TNR: variants seen among roughly 807,000 people sequenced by gnomAD.
The protein encoded by TNR is tenascin R, also known as tenascin-R.
In TNR, 45 loss-of-function variants were observed where a neutral mutation model predicts 150.4. The observed-to-expected ratio is 0.30, with a 90% CI of 0.24 to 0.38. TNR has a LOEUF of 0.38. Among genes scored for constraint, TNR ranks in the 10% least tolerant of loss-of-function variants. The probability of loss-of-function intolerance (pLI) is 1.00; values close to 1 mark genes in which losing one functional copy is unlikely to be tolerated. For synonymous variants in TNR, 687 were observed against 678.4 expected (o/e 1.01, Z -0.20); for missense variants, 1,544 against 1,759.1 (o/e 0.88, Z 2.19).
chr1:175,702,707 C>G (rs527793016), intron 1 of TNR, among the ~76,000 whole-genome samples: 11 of 152,264 alleles, frequency 7.2e-5, no homozygotes, highest in African/African-American at 2.4e-4. Flanking sequence ...TACAGTGACA[C>G]GAGATTTGGG....
chr1:175,704,991 C>T (rs1310826398), intron 1 of TNR, among the ~76,000 whole-genome samples: 2 of 152,078 alleles, frequency 1.3e-5, no homozygotes, highest in Non-Finnish European at 1.5e-5. Flanking sequence ...AACAGAGATG[C>T]AAAGAAGATA....
intron 1 of TNR, among the ~76,000 whole-genome samples, chr1:175,735,095 C>T (rs1206387007): frequency 1.3e-5 from 2 of 152,238 alleles, no homozygotes; most frequent in Non-Finnish European, 2.9e-5. Context: ...CGTGAGGAGA[C>T]AGTCCCTTTA....
intron 1 of TNR, among the ~76,000 whole-genome samples, chr1:175,616,924 A>G (rs916100313): frequency 6.6e-6 from 1 of 152,162 alleles, no homozygotes; most frequent in African/African-American, 2.4e-5. Context: ...GATAATTTCG[A>G]AGATGCCTTC....
chr1:175,459,466 G>A (rs1444133738), intron 2 of TNR, among the ~76,000 whole-genome samples: 1 of 152,220 alleles, frequency 6.6e-6, no homozygotes, highest in Non-Finnish European at 1.5e-5. Flanking sequence ...GCTCTCTAAT[G>A]TGAGGCCAAG....
intron 1 of TNR, among the ~76,000 whole-genome samples, chr1:175,663,545 T>C (rs896114312): frequency 2.6e-5 from 4 of 152,098 alleles, no homozygotes; most frequent in African/African-American, 9.7e-5. Flanking sequence ...AAGTTCACCA[T>C]GAACCAAGGA....
chr1:175,630,820 A>T (rs1331525343), intron 1 of TNR, among the ~76,000 whole-genome samples: 1 of 151,960 alleles, frequency 6.6e-6, no homozygotes, highest in Non-Finnish European at 1.5e-5. Flanking sequence ...GCTTGCAAAA[A>T]AAAAGGAAGC....
chr1:175,488,543 A>C (rs1658109233), intron 2 of TNR, among the ~76,000 whole-genome samples: 1 of 152,122 alleles, frequency 6.6e-6, no homozygotes, highest in Non-Finnish European at 1.5e-5. Context: ...TAAGCAGGAG[A>C]TCCTCAAAGG....
chr1:175,681,694 G>A (rs915864059), intron 1 of TNR, among the ~76,000 whole-genome samples: 7 of 152,186 alleles, frequency 4.6e-5, no homozygotes, highest in Non-Finnish European at 7.3e-5. Flanking sequence ...AACAGTGGGA[G>A]CAGTGACACA....
rs531680028 is a variant in TNR, at chr1:175,461,893, G to T, written c.-63-55116C>A. Among the ~76,000 whole-genome samples, 29 of 152,286 alleles carry T rather than the reference G, an allele frequency of 1.9e-4. No individual in the cohort carries two copies. The South Asian group carries it at 4.1e-3, about 22-fold the overall frequency. ...GTGTTCTAGGCAGAACGAGGACTTG[G>T]GATTGAGAAGAACACTGGTGTGAGT... On this transcript the variant is annotated intron_variant, in intron 2 of 22. Coordinates refer to ENST00000367674, the MANE Select transcript of TNR (RefSeq NM_003285.3).
chr1:175,594,253 T>C (rs977293146), intron 1 of TNR, among the ~76,000 whole-genome samples: 1 of 152,002 alleles, frequency 6.6e-6, no homozygotes, highest in African/African-American at 2.4e-5. Context: ...TTTTTTTCAG[T>C]TCTCTGAATC....
At chr1:175,598,241 C>T (rs756013231) in intron 1 of TNR, among the ~76,000 whole-genome samples, 2 of 152,160 alleles carry the variant, frequency 1.3e-5, no homozygotes, top group African/African-American at 2.4e-5. Flanking sequence ...GTTTTCCCAC[C>T]GGTGATTCAA....
intron 2 of TNR, among the ~76,000 whole-genome samples, chr1:175,518,546 C>A (rs1438195202): frequency 6.6e-6 from 1 of 152,158 alleles, no homozygotes; most frequent in Non-Finnish European, 1.5e-5. Context: ...ACTTTGGGTG[C>A]AGCTGTTCAT....
chr1:175,388,183 C>T (rs950634786), intron 7 of TNR, among the ~76,000 whole-genome samples: 2 of 151,008 alleles, frequency 1.3e-5, no homozygotes, highest in Non-Finnish European at 2.9e-5. Context: ...AAATGTGTGT[C>T]GAGTAAATGA....
chr1:175,654,700 C>A (rs934806168), intron 1 of TNR, among the ~76,000 whole-genome samples: 18 of 149,404 alleles, frequency 1.2e-4, no homozygotes, highest in Admixed American at 6.0e-4. Context: ...CTTCCACTAT[C>A]TCCAACAAAA....
chr1:175,378,575 G>A (rs1176898381), intron 9 of TNR, among the ~76,000 whole-genome samples: 1 of 152,244 alleles, frequency 6.6e-6, no homozygotes, highest in Non-Finnish European at 1.5e-5. Flanking sequence ...AAAGTGGGGA[G>A]TAACCTGGGA....
chr1:175,565,042 T>G (rs996815222), intron 1 of TNR, among the ~76,000 whole-genome samples: 1 of 152,262 alleles, frequency 6.6e-6, no homozygotes, highest in Non-Finnish European at 1.5e-5. Flanking sequence ...CATCCAAGGC[T>G]AAAAGCTGAG....
intron 1 of TNR, among the ~76,000 whole-genome samples, chr1:175,639,996 G>C (rs931342086): frequency 2.0e-5 from 3 of 152,190 alleles, no homozygotes; most frequent in Admixed American, 1.3e-4. Context: ...GACTTCTTCT[G>C]TTTACTGCTG....
chr1:175,686,095 A>G (rs1314241281), intron 1 of TNR, among the ~76,000 whole-genome samples: 1 of 152,150 alleles, frequency 6.6e-6, no homozygotes, highest in Non-Finnish European at 1.5e-5. Context: ...TAAGAAGGAA[A>G]AAAATCATAA....
chr1:175,654,680 C>T (rs1339198891), intron 1 of TNR, among the ~76,000 whole-genome samples: 1 of 150,446 alleles, frequency 6.6e-6, no homozygotes, highest in Non-Finnish European at 1.5e-5. Flanking sequence ...AAATCTATCT[C>T]GGTGAATGTC....
Sources: gnomAD v4.1 joint callset for allele counts (sites outside exome capture counted in the v4.1 genomes callset) on GRCh38, gnomAD v4.1.1 for gene constraint, MANE v1.5 for transcripts, NCBI Gene and HGNC (gene_info 2026-07-23, HGNC 2026-07-21) for gene names.